The following FAM120B variants were observed in gnomAD, a reference collection of about 807,000 sequenced individuals.
FAM120B encodes family with sequence similarity 120 member B.
In FAM120B, 83 loss-of-function variants were observed where a neutral mutation model predicts 96.3. The ratio of observed to expected loss-of-function variants is 0.86; its 90% CI spans 0.72 to 1.03. The LOEUF (loss-of-function observed/expected upper bound fraction) is 1.03. Among genes scored for constraint, FAM120B ranks in the 50% least tolerant of loss-of-function variants. The pLI is 0.00. For missense variants in FAM120B, 1,027 were observed against 1,121.2 expected, an observed-to-expected ratio of 0.92 and a Z score of 1.20; for synonymous variants, 407 against 402.7, an observed-to-expected ratio of 1.01 and a Z score of -0.13.
At chr6:170,333,115 C>A (rs2115076230) in intron 4 of FAM120B, among the ~76,000 whole-genome samples, 1 of 152,224 alleles carries the variant, frequency 6.6e-6, no homozygotes, top group South Asian at 2.1e-4. Flanking sequence ...AAAAAGAAAT[C>A]TCATTCCTGG....
chr6:170,353,548 C>T (rs1787711696), intron 5 of FAM120B, among the ~76,000 whole-genome samples: 2 of 152,228 alleles, frequency 1.3e-5, no homozygotes, highest in East Asian at 1.9e-4. Flanking sequence ...AAAGCTTATC[C>T]ACCATGATCT....
intron 6 of FAM120B, among the ~76,000 whole-genome samples, chr6:170,380,414 T>C (rs1348999219): frequency 6.6e-6 from 1 of 152,224 alleles, no homozygotes; most frequent in African/African-American, 2.4e-5. Flanking sequence ...TTTAGGCTTT[T>C]GAGGAACCTC....
At chr6:170,392,362 C>T (rs1183140545) in intron 8 of FAM120B, among the ~76,000 whole-genome samples, 1 of 152,178 alleles carries the variant, frequency 6.6e-6, no homozygotes, top group Non-Finnish European at 1.5e-5. Context: ...CTTGTGCCAC[C>T]ACGCCCGGCT....
At chr6:170,359,182 C>G (rs1226366593) in intron 6 of FAM120B, among the ~76,000 whole-genome samples, 1 of 152,148 alleles carries the variant, frequency 6.6e-6, no homozygotes, top group Non-Finnish European at 1.5e-5. Context: ...GGGTGGATCA[C>G]CTGAGGTCAG....
upstream of FAM120B, among the ~76,000 whole-genome samples, chr6:170,292,147 C>T (rs1232316436): frequency 1.3e-5 from 2 of 152,232 alleles, no homozygotes; most frequent in Non-Finnish European, 2.9e-5. This position sits in a 1 kb window ranked among gnomAD's most constrained non-coding sequence, Gnocchi z 6.6. Context: ...TGTTCTAAAG[C>T]CCCTCCAGCC....
Position 170,388,511 on chromosome 6 carries a change from T to A in FAM120B, c.2490+18T>A. On this transcript the variant is annotated intron_variant, in intron 7 of 10. Transcript: ENST00000476287. ...AACAAAATGTGAGTTCACAGACACC[T>A]ACCTTTCACCAGAAACATCCCTGTA... 2 of 1,603,660 alleles carry A rather than the reference T, an allele frequency of 1.2e-6. No individual in the cohort carries two copies. Among genetic ancestry groups the A allele is most frequent in the Non-Finnish European group, 1.7e-6 (2 of 1,170,550 alleles).
chr6:170,402,721 T>G (rs1317190931), intron 9 of FAM120B, among the ~76,000 whole-genome samples: 1 of 152,192 alleles, frequency 6.6e-6, no homozygotes, highest in East Asian at 1.9e-4. Context: ...CAGGACCACT[T>G]TGAATTTCAG....
At chr6:170,308,568 G>T (rs1236994586) in intron 1 of FAM120B, among the ~76,000 whole-genome samples, 1 of 152,172 alleles carries the variant, frequency 6.6e-6, no homozygotes, top group Non-Finnish European at 1.5e-5. Flanking sequence ...AGCTAATGAA[G>T]TTCAGGTTTC....
rs370055226 is a variant in FAM120B at position 170,395,610 on chromosome 6, C to G, written c.2692+31C>G. ...AAGGCCAGTGGTCACTCTGCTGGGC[C>G]ACCTGCATGGCACTGCCTCTCACCT... On this transcript the variant is annotated intron_variant, in intron 9 of 10. Transcript: ENST00000476287. 1.1e-5 allele frequency: 16 copies of G among 1,486,516 alleles called. No individual in the cohort carries two copies. In the Middle Eastern group the frequency reaches 1.2e-3, roughly 111 times the overall value. The allele number at this position is 1,486,516 out of a possible 1,614,324, so 92.1% of individuals were successfully genotyped here.
intron 9 of FAM120B, among the ~76,000 whole-genome samples, chr6:170,398,301 C>T (rs1022345729): frequency 7.2e-5 from 11 of 152,222 alleles, no homozygotes; most frequent in African/African-American, 1.9e-4. Flanking sequence ...TAAAGTGTAA[C>T]TCTTAGGAGT....
intron 1 of FAM120B, 64 bp downstream of exon 1, chr6:170,306,906 G>C (rs1175406928): frequency 2.0e-5 from 3 of 152,328 alleles, no homozygotes; most frequent in African/African-American, 4.8e-5. Flanking sequence ...GTGACCGTCC[G>C]TTACCCGCGT....
chr6:170,341,131 G>A (rs1489776177), intron 4 of FAM120B, among the ~76,000 whole-genome samples: 2 of 152,232 alleles, frequency 1.3e-5, no homozygotes, highest in African/African-American at 4.8e-5. Flanking sequence ...CAGGTGCTCT[G>A]TCCCAGGGAG....
chr6:170,392,171 A>G (rs951171845), intron 8 of FAM120B, among the ~76,000 whole-genome samples: 2 of 152,186 alleles, frequency 1.3e-5, no homozygotes, highest in Admixed American at 6.5e-5. Context: ...TTTCCGTTTC[A>G]GGGTACCCTT....
chr6:170,401,428 C>G (rs1029817616), intron 9 of FAM120B, among the ~76,000 whole-genome samples: 2 of 152,034 alleles, frequency 1.3e-5, no homozygotes, highest in African/African-American at 2.4e-5. Flanking sequence ...GAGGCAGTGT[C>G]CCATCAGGAC....
chr6:170,308,892 T>C (rs910170211), intron 1 of FAM120B, among the ~76,000 whole-genome samples: 2 of 152,230 alleles, frequency 1.3e-5, no homozygotes, highest in African/African-American at 4.8e-5. Flanking sequence ...TTTATTTAGC[T>C]CTAGTGTCAG....
chr6:170,332,309 A>T (rs531171454), intron 4 of FAM120B, among the ~76,000 whole-genome samples: 1 of 152,258 alleles, frequency 6.6e-6, no homozygotes, highest in African/African-American at 2.4e-5. Flanking sequence ...TTCCGTATCT[A>T]TGAGGAATAT....
At chr6:170,304,198 G>A (rs12205465), upstream of FAM120B, among the ~76,000 whole-genome samples, 12,837 of 152,282 alleles carry the variant, frequency 0.084, 695 homozygotes, top group Non-Finnish European at 0.12. Flanking sequence ...AATATAGTGA[G>A]AGTTGAATTC....
At chr6:170,380,590 C>T (rs992069526) in intron 6 of FAM120B, among the ~76,000 whole-genome samples, 1 of 152,226 alleles carries the variant, frequency 6.6e-6, no homozygotes, top group African/African-American at 2.4e-5. Context: ...ATTTGCTTCT[C>T]CCTGGTGATT....
intron 6 of FAM120B, among the ~76,000 whole-genome samples, chr6:170,376,819 G>A (rs34719288): frequency 1.3e-5 from 2 of 148,626 alleles, no homozygotes; most frequent in Non-Finnish European, 3.0e-5. Context: ...ATAGAAGTCT[G>A]AGTGCTTGGC....
Sources: gnomAD v4.1 joint callset for allele counts (sites outside exome capture counted in the v4.1 genomes callset) on GRCh38, gnomAD v4.1.1 for gene constraint, Gnocchi (gnomAD v3.1) non-coding constraint, MANE v1.5 for transcripts, NCBI Gene and HGNC (gene_info 2026-07-23, HGNC 2026-07-21) for gene names.